SLC1A1: variants seen among roughly 807,000 people sequenced by gnomAD.
The protein encoded by SLC1A1 is excitatory amino acid transporter 3.
In SLC1A1, 43 loss-of-function variants were observed where a neutral mutation model predicts 53.3. The ratio of observed to expected loss-of-function variants is 0.81; its 90% confidence interval spans 0.63 to 1.04. SLC1A1 has a LOEUF of 1.04. SLC1A1 is among the 50% of genes least tolerant of loss of function. The pLI is 0.00. For missense variants in SLC1A1, 748 were observed against 664.9 expected (o/e 1.12, Z -1.37); for synonymous variants, 307 against 243.2 (o/e 1.26, Z -2.44).
intron 10 of SLC1A1, among the ~76,000 whole-genome samples, chr9:4,581,610 C>G (rs1428889733): frequency 2.0e-5 from 3 of 152,132 alleles, no homozygotes; most frequent in African/African-American, 7.2e-5. Context: ...CAAAGAAAAC[C>G]TGTTGATGCA....
intron 5 of SLC1A1, 135 bp downstream of exon 5, chr9:4,566,224 CAAGTTT>C: frequency 1.2e-6 from 1 of 808,814 alleles, no homozygotes; most frequent in Non-Finnish European, 2.2e-6. Flanking sequence ...TGTGACTGGC[CAAGTTT>C]AAGGTGATGT....
chr9:4,504,903 G>C (rs1405985515), intron 1 of SLC1A1, among the ~76,000 whole-genome samples: 2 of 152,124 alleles, frequency 1.3e-5, no homozygotes. Flanking sequence ...TCTTTTTGTA[G>C]CAAGATTGAC....
Position 4,583,113 on chromosome 9 carries a change from G to T in SLC1A1, c.1269G>T (p.Leu423=), listed in dbSNP as rs1227402333. The change falls in exon 11 of 12, where the codon CTG becomes CTT. Residue 423 remains leucine, a synonymous_variant. Coordinates refer to ENST00000262352, the MANE Select transcript of SLC1A1 (RefSeq NM_004170.6). The surrounding 1 kb of genome is among the most constrained non-coding windows in gnomAD (Gnocchi z 4.6). ...GCCTGGTGACCATGGTGATTGTGCT[G>T]AGTGCCGTGGGCCTGCCCGCCGAGG... The part of the protein sequence containing the change: ...QAGLVTMVIV[L]SAVGLPAEDV... 1.2e-6 allele frequency: 2 copies of T among 1,614,082 alleles called. No individual in the cohort carries two copies. Among genetic ancestry groups the T allele is most frequent in the Non-Finnish European group, 1.7e-6 (2 of 1,180,046 alleles).
intron 1 of SLC1A1, among the ~76,000 whole-genome samples, chr9:4,500,299 G>T (rs1820586961): frequency 6.6e-6 from 1 of 151,956 alleles, no homozygotes; most frequent in African/African-American, 2.4e-5. Flanking sequence ...GTTTTAAATG[G>T]CCTTTTCTAT....
In SLC1A1 at chr9:4,490,504, G is replaced by A; in HGVS notation, c.-176G>A. Reference sequence around the variant, plus strand: ...GGGCTGGCAGGGCGGCGGGCGCGGTGCGCGATCCCGGGTGGCGGCGGCAAC... The same window carrying A: ...GGGCTGGCAGGGCGGCGGGCGCGGTACGCGATCCCGGGTGGCGGCGGCAAC... On this transcript the variant is annotated 5_prime_UTR_variant, in exon 1 of 12. Coordinates refer to ENST00000262352, the MANE Select transcript of SLC1A1 (RefSeq NM_004170.6). 1 of 398,572 alleles carries A rather than the reference G, an allele frequency of 2.5e-6. No homozygotes were observed. The highest frequency in any genetic ancestry group is 4.5e-6 in the Non-Finnish European group (1 of 224,552). 24.7% of individuals were successfully genotyped at this position (398,572 alleles called of 1,614,324 possible). A position where few individuals can be genotyped will look rare whatever the true frequency, so the allele number is the denominator to read the frequency against.
At chr9:4,578,466 A>T (rs796949652) in intron 10 of SLC1A1, among the ~76,000 whole-genome samples, 11 of 152,304 alleles carry the variant, frequency 7.2e-5, no homozygotes, top group African/African-American at 2.6e-4. Flanking sequence ...GAAGGAGATT[A>T]AGGACTGAGG....
chr9:4,568,588 G>T (rs531152641), intron 6 of SLC1A1, among the ~76,000 whole-genome samples: 70 of 151,790 alleles, frequency 4.6e-4, no homozygotes, highest in African/African-American at 1.7e-3. Flanking sequence ...AGGTGTGGTG[G>T]CACATGCCTG....
chr9:4,528,623 G>GATTTCTTAAACC (rs1443135853), intron 1 of SLC1A1, among the ~76,000 whole-genome samples: 2 of 152,126 alleles, frequency 1.3e-5, no homozygotes, highest in African/African-American at 4.8e-5. Context: ...CTTATAGTTT[G>GATTTCTTAAACC]AGAGTATTCT....
chr9:4,492,643 T>A (rs1466605011), intron 1 of SLC1A1, among the ~76,000 whole-genome samples: 1 of 151,624 alleles, frequency 6.6e-6, no homozygotes, highest in African/African-American at 2.4e-5. Flanking sequence ...TACAAAAAAG[T>A]ACAAAAATTA....
At chr9:4,509,050 G>A (rs1024565216) in intron 1 of SLC1A1, among the ~76,000 whole-genome samples, 1 of 152,182 alleles carries the variant, frequency 6.6e-6, no homozygotes, top group Non-Finnish European at 1.5e-5. Context: ...CCTAGGAAAG[G>A]CTTTCTGGAG....
At chr9:4,543,319 C>A (rs1168028703) in intron 1 of SLC1A1, among the ~76,000 whole-genome samples, 2 of 152,120 alleles carry the variant, frequency 1.3e-5, no homozygotes, top group Non-Finnish European at 2.9e-5. Context: ...ATCATGACAT[C>A]CAACAGAGGC....
chr9:4,583,006 C>T lies in SLC1A1; in HGVS notation c.1194-32C>T. The T allele has an allele frequency of 6.2e-7, 1 of 1,613,968 alleles. No homozygotes were observed. The highest frequency in any genetic ancestry group is 8.5e-7 in the Non-Finnish European group (1 of 1,179,872). The stretch of plus-strand genomic sequence containing the variant: ...GGGCTTTAACGGGAGAGGTAAGTGT[C>T]TAACTCCTTTCCTGCTGGTATGTTT... On this transcript the variant is annotated intron_variant, in intron 10 of 11. Coordinates refer to ENST00000262352, the MANE Select transcript of SLC1A1 (RefSeq NM_004170.6). This position sits in a 1 kb window ranked among gnomAD's most constrained non-coding sequence, Gnocchi z 4.6.
rs201587651 is a variant in SLC1A1, at chr9:4,576,595, G to A, written c.1025G>A (p.Arg342His). 5.7e-5 allele frequency: 92 copies of A among 1,614,100 alleles called. No individual in the cohort carries two copies. The Middle Eastern group carries it at 1.2e-3, about 20-fold the overall frequency. Residue 342 changes from arginine (R) to histidine (H), a missense_variant, in exon 10 of 12, where the codon CGC (arginine) becomes CAC (histidine). Physicochemically the swap from Arg to His is conservative, Grantham distance 29 (BLOSUM62 0). Coordinates refer to ENST00000262352, the MANE Select transcript of SLC1A1 (RefSeq NM_004170.6). ...TCAGCAACACTGCCTGTCACCTTCC[G>A]CTGTGCTGAAGAAAATAACCAGGTG... ...SSSATLPVTF[R>H]CAEENNQVDK...
chr9:4,528,280 T>C lies in SLC1A1; in HGVS notation c.92-16287T>C, dbSNP rs373470411. Among the ~76,000 whole-genome samples, 213 of 150,730 alleles carry C rather than the reference T, an allele frequency of 1.4e-3. 2 individuals are homozygous for C. The highest frequency in any genetic ancestry group is 4.6e-3 in the African/African-American group (188 of 41,152). ...GACTGGAGTTTGATTTTATTAAAAATGCAAGTTAGGAGGTGGGCACAGTGG... is the reference window on the plus strand; with the variant it reads ...GACTGGAGTTTGATTTTATTAAAAACGCAAGTTAGGAGGTGGGCACAGTGG... On this transcript the variant is annotated intron_variant, in intron 1 of 11. Transcript: ENST00000262352.
intron 1 of SLC1A1, among the ~76,000 whole-genome samples, chr9:4,504,967 C>A (rs1820749437): frequency 6.6e-6 from 1 of 150,952 alleles, no homozygotes; most frequent in Non-Finnish European, 1.5e-5. Flanking sequence ...AATACCTTTG[C>A]TAATAAGGAA....
At chr9:4,544,490 G>A (rs892599057) in intron 1 of SLC1A1, 77 bp from the exon 2 acceptor site, 6 of 1,288,630 alleles carry the variant, frequency 4.7e-6, no homozygotes, top group African/African-American at 4.4e-5. Context: ...GCATTTGGGA[G>A]TATTTTTCCA....
Position 4,583,472 on chromosome 9 carries a change from G to C in SLC1A1, c.1328+300G>C, listed in dbSNP as rs1821292932. On this transcript the variant is annotated intron_variant, in intron 11 of 11. Transcript: ENST00000262352. The surrounding 1 kb of genome is among the most constrained non-coding windows in gnomAD (Gnocchi z 4.6). ...CAGAACAAGGTGAGAAGCCAGGCAG[G>C]GCCCCAGAGCCATCCTGACCTATCC... Among the ~76,000 whole-genome samples the C allele has an allele frequency of 6.6e-6, 1 of 152,166 alleles. No individual in the cohort carries two copies. The highest frequency in any genetic ancestry group is 2.4e-5 in the African/African-American group (1 of 41,426).
At chr9:4,510,804 AG>A (rs1344911064) in intron 1 of SLC1A1, among the ~76,000 whole-genome samples, 1 of 152,204 alleles carries the variant, frequency 6.6e-6, no homozygotes, top group African/African-American at 2.4e-5. Flanking sequence ...TTGGGACCAA[AG>A]GAACATGGTG....
intron 1 of SLC1A1, among the ~76,000 whole-genome samples, chr9:4,511,827 G>T (rs989244833): frequency 2.0e-5 from 3 of 152,086 alleles, no homozygotes; most frequent in Admixed American, 2.0e-4. Flanking sequence ...GAAATCCCAA[G>T]AAATTACAAA....
Sources: allele counts gnomAD v4.1 joint callset (sites outside exome capture counted in the v4.1 genomes callset), GRCh38; gene constraint gnomAD v4.1.1; non-coding constraint Gnocchi (gnomAD v3.1); transcripts MANE v1.5; gene names NCBI Gene and HGNC (gene_info 2026-07-23, HGNC 2026-07-21).